The following INSC variants were observed in gnomAD, a reference collection of about 807,000 sequenced individuals.
INSC encodes the protein protein inscuteable homolog.
INSC carries 67 observed loss-of-function variants against 58.6 expected under a neutral mutation model. That is an observed-to-expected ratio of 1.14 (90% confidence interval 0.94 to 1.40). The LOEUF (loss-of-function observed/expected upper bound fraction) is 1.40, where lower values mean the gene tolerates loss of function less well. Among genes scored for constraint, INSC ranks in the 40% most tolerant of loss-of-function variants. The pLI is 0.00. For missense variants in INSC, 714 were observed against 692.0 expected (o/e 1.03, Z -0.36); for synonymous variants, 262 against 276.1 (o/e 0.95, Z 0.51).
At chr11:15,167,198 C>T (rs533513930) in intron 2 of INSC, among the ~76,000 whole-genome samples, 2 of 151,804 alleles carry the variant, frequency 1.3e-5, no homozygotes, top group East Asian at 3.9e-4. Flanking sequence ...AGAAGTCAGG[C>T]TGGGTGGGGG....
intron 4 of INSC, among the ~76,000 whole-genome samples, chr11:15,177,538 C>T (rs1235980432): frequency 6.6e-6 from 1 of 152,194 alleles, no homozygotes; most frequent in African/African-American, 2.4e-5. Flanking sequence ...TACACATAGA[C>T]TTCAATGCCC....
chr11:15,224,805 T>G (rs909071720), intron 8 of INSC, among the ~76,000 whole-genome samples: 1 of 152,296 alleles, frequency 6.6e-6, no homozygotes, highest in East Asian at 1.9e-4. Flanking sequence ...CTTAGTACAA[T>G]TACAGATGGT....
chr11:15,212,121 A>C (rs1213413792), intron 7 of INSC, among the ~76,000 whole-genome samples: 2 of 151,434 alleles, frequency 1.3e-5, no homozygotes, highest in Admixed American at 1.3e-4. Flanking sequence ...TTTTTTTTGG[A>C]GATGGAGTCT....
At chr11:15,257,161 A>T in the INSC span, among the ~76,000 whole-genome samples, 7 of 152,206 alleles carry the variant, frequency 4.6e-5, no homozygotes, top group Admixed American at 4.6e-4. Flanking sequence ...AAACAGCCAC[A>T]TGGTCTTGGC....
chr11:15,260,492 T>C, the INSC span, among the ~76,000 whole-genome samples: 1 of 152,190 alleles, frequency 6.6e-6, no homozygotes, highest in Non-Finnish European at 1.5e-5. Flanking sequence ...AGGCTATTAT[T>C]TAATATCTCT....
the INSC span, among the ~76,000 whole-genome samples, chr11:15,253,330 T>C: frequency 1.2e-3 from 183 of 152,014 alleles, 1 homozygote; most frequent in African/African-American, 4.1e-3. Context: ...AATGAGGGAA[T>C]CGAGAGCCTA....
intron 7 of INSC, among the ~76,000 whole-genome samples, chr11:15,210,966 A>G (rs1391464430): frequency 6.6e-6 from 1 of 152,092 alleles, no homozygotes; most frequent in Non-Finnish European, 1.5e-5. Flanking sequence ...CAGAACTAGA[A>G]CCATCACCCA....
downstream of INSC, among the ~76,000 whole-genome samples, chr11:15,251,298 C>G (rs1852647433): frequency 6.6e-6 from 1 of 152,192 alleles, no homozygotes; most frequent in Admixed American, 6.5e-5. Flanking sequence ...TAACACTATA[C>G]AACTCTTCGA....
intron 5 of INSC, among the ~76,000 whole-genome samples, chr11:15,183,393 T>G (rs1849851066): frequency 6.6e-6 from 1 of 151,544 alleles, no homozygotes; most frequent in Non-Finnish European, 1.5e-5. Context: ...AAATTGTGTA[T>G]TTTTCCAAGT....
intron 1 of INSC, among the ~76,000 whole-genome samples, chr11:15,144,271 C>T (rs1848440128): frequency 6.6e-6 from 1 of 152,188 alleles, no homozygotes; most frequent in African/African-American, 2.4e-5. Context: ...TCTTGGTGCT[C>T]ACAACAATCT....
chr11:15,155,337 A>T (rs1471467163), intron 2 of INSC, among the ~76,000 whole-genome samples: 1 of 152,160 alleles, frequency 6.6e-6, no homozygotes, highest in Non-Finnish European at 1.5e-5. Flanking sequence ...ACCTACTGAG[A>T]TATTCTGGCT....
At chr11:15,150,315 C>T (rs927012883) in intron 2 of INSC, among the ~76,000 whole-genome samples, 3 of 152,206 alleles carry the variant, frequency 2.0e-5, no homozygotes, top group East Asian at 1.9e-4. Context: ...GCATGATAGG[C>T]AGATAGTAGC....
intron 1 of INSC, among the ~76,000 whole-genome samples, chr11:15,148,763 A>C (rs1208102449): frequency 1.3e-5 from 2 of 151,864 alleles, no homozygotes; most frequent in African/African-American, 4.9e-5. Context: ...CAGGATGCCC[A>C]GTTAAATGTG....
intron 7 of INSC, among the ~76,000 whole-genome samples, chr11:15,219,978 G>C (rs569246036): frequency 6.6e-6 from 1 of 152,198 alleles, no homozygotes; most frequent in Non-Finnish European, 1.5e-5. Context: ...GCTGCTGTTT[G>C]TTCCCTTTTA....
intron 2 of INSC, among the ~76,000 whole-genome samples, chr11:15,159,530 G>C (rs1417466622): frequency 6.6e-6 from 1 of 152,190 alleles, no homozygotes; most frequent in Non-Finnish European, 1.5e-5. Flanking sequence ...CAAACAATGG[G>C]AATAGCTGGA....
intron 7 of INSC, among the ~76,000 whole-genome samples, chr11:15,208,675 G>A (rs1022072791): frequency 6.6e-6 from 1 of 152,188 alleles, no homozygotes; most frequent in South Asian, 2.1e-4. Flanking sequence ...CGCCTTTCCC[G>A]CCAGGTCCAA....
intron 9 of INSC, among the ~76,000 whole-genome samples, chr11:15,228,764 T>C (rs576153871): frequency 6.6e-6 from 1 of 152,300 alleles, no homozygotes; most frequent in Non-Finnish European, 1.5e-5. Flanking sequence ...ATGAGAACCC[T>C]TCCATCATCC....
chr11:15,130,820 C>T (rs902588227), intron 1 of INSC, among the ~76,000 whole-genome samples: 2 of 152,008 alleles, frequency 1.3e-5, no homozygotes, highest in African/African-American at 2.4e-5. Flanking sequence ...TTTATGTTTT[C>T]AATGACATTG....
intron 2 of INSC, among the ~76,000 whole-genome samples, chr11:15,169,236 G>A (rs1410558657): frequency 6.6e-6 from 1 of 152,166 alleles, no homozygotes; most frequent in Non-Finnish European, 1.5e-5. Flanking sequence ...ACAGGTCCAC[G>A]AGGCTCACCT....
Sources: gnomAD v4.1 joint callset for allele counts (sites outside exome capture counted in the v4.1 genomes callset) on GRCh38, gnomAD v4.1.1 for gene constraint, MANE v1.5 for transcripts, NCBI Gene and HGNC (gene_info 2026-07-23, HGNC 2026-07-21) for gene names.